Variants in CSMD1 observed in about 807,000 individuals in gnomAD.
The protein encoded by CSMD1 is CUB and Sushi multiple domains 1, also known as CUB and sushi domain-containing protein 1.
CSMD1 carries 213 observed loss-of-function variants against 417.5 expected under a neutral mutation model. The ratio of observed to expected loss-of-function variants is 0.51; its 90% confidence interval spans 0.46 to 0.57. The LOEUF (loss-of-function observed/expected upper bound fraction) is 0.57. Ranked by LOEUF, CSMD1 falls within the 20% of genes least tolerant of loss-of-function variation. The probability of loss-of-function intolerance (pLI) is 0.00; values close to 1 mark genes in which losing one functional copy is unlikely to be tolerated. For missense variants in CSMD1, 6,923 were observed against 4,529.7 expected, an observed-to-expected ratio of 1.53 and a Z score of -15.17; for synonymous variants, 2,862 against 1,736.8, an observed-to-expected ratio of 1.65 and a Z score of -16.11.
chr8:3,460,824 C>A (rs113928009), intron 12 of CSMD1, among the ~76,000 whole-genome samples: 2 of 152,136 alleles, frequency 1.3e-5, no homozygotes, highest in African/African-American at 4.8e-5. Context: ...TGGGTAAGAA[C>A]AGACAATGCT....
intron 1 of CSMD1, among the ~76,000 whole-genome samples, chr8:4,644,024 T>G (rs1803365712): frequency 6.6e-6 from 1 of 152,140 alleles, no homozygotes; most frequent in African/African-American, 2.4e-5. Context: ...ACTCACTACA[T>G]GAGCAAAGAA....
chr8:4,158,583 G>C (rs936046400), intron 3 of CSMD1, among the ~76,000 whole-genome samples: 1 of 152,092 alleles, frequency 6.6e-6, no homozygotes. Context: ...AACAGTCCTC[G>C]TTCCCCTCCT....
chr8:4,896,414 G>T (rs1217688264), intron 1 of CSMD1, among the ~76,000 whole-genome samples: 1 of 152,064 alleles, frequency 6.6e-6, no homozygotes, highest in Non-Finnish European at 1.5e-5. Flanking sequence ...ATTATTTACT[G>T]ATGTTTTCTC....
intron 5 of CSMD1, among the ~76,000 whole-genome samples, chr8:3,851,569 T>C (rs1803907246): frequency 6.6e-6 from 1 of 152,174 alleles, no homozygotes; most frequent in Non-Finnish European, 1.5e-5. Context: ...AGCAACTCCC[T>C]GCTGCAGGCC....
Position 4,063,213 on chromosome 8 carries a change from C to G in CSMD1, c.416-31114G>C, listed in dbSNP as rs554722926. On this transcript the variant is annotated intron_variant, in intron 3 of 69. Transcript: ENST00000635120. ...TAATTATCCTGATTTGATCATGAGA[C>G]TTTGTGTGCATATTTCAAAATATCA... is the stretch of plus-strand genomic sequence containing the variant. Among the ~76,000 whole-genome samples, 13 of 152,000 alleles carry G rather than the reference C, an allele frequency of 8.6e-5. No homozygotes were observed. The South Asian group carries it at 2.7e-3, about 31-fold the overall frequency.
intron 2 of CSMD1, among the ~76,000 whole-genome samples, chr8:4,450,829 G>A (rs572014333): frequency 6.6e-6 from 1 of 152,144 alleles, no homozygotes; most frequent in African/African-American, 2.4e-5. Context: ...TACTGCACTT[G>A]TGAGTAAGGG....
chr8:4,334,924 A>C (rs75363805), intron 3 of CSMD1, among the ~76,000 whole-genome samples: 7,374 of 152,144 alleles, frequency 0.048, 221 homozygotes, highest in Middle Eastern at 0.15. Flanking sequence ...TTCTACCCCC[A>C]CAGATGCTGT....
intron 8 of CSMD1, among the ~76,000 whole-genome samples, chr8:3,605,712 T>G (rs1801579702): frequency 6.6e-6 from 1 of 152,208 alleles, no homozygotes; most frequent in Non-Finnish European, 1.5e-5. Flanking sequence ...AGAACAGATG[T>G]TATTAGCATG....
At chr8:4,436,579 T>A (rs1798161946) in intron 2 of CSMD1, among the ~76,000 whole-genome samples, 1 of 152,166 alleles carries the variant, frequency 6.6e-6, no homozygotes, top group Non-Finnish European at 1.5e-5. Context: ...CAGTTACTGT[T>A]GATTATATCC....
chr8:4,635,312 T>A (rs2130853653), intron 2 of CSMD1, among the ~76,000 whole-genome samples: 1 of 152,314 alleles, frequency 6.6e-6, no homozygotes, highest in South Asian at 2.1e-4. Flanking sequence ...TGTTTCTAAT[T>A]GTTCTAACTT....
At chr8:3,202,804 C>G (rs1006672635) in intron 31 of CSMD1, among the ~76,000 whole-genome samples, 1 of 152,146 alleles carries the variant, frequency 6.6e-6, no homozygotes, top group African/African-American at 2.4e-5. Flanking sequence ...ATGTAACCAA[C>G]TCCATACACA....
intron 17 of CSMD1, among the ~76,000 whole-genome samples, chr8:3,390,760 A>T (rs1811301528): frequency 6.6e-6 from 1 of 152,134 alleles, no homozygotes; most frequent in Non-Finnish European, 1.5e-5. Context: ...TGTGCAGCTC[A>T]TACGGAGGTA....
chr8:3,049,688 G>T (rs1811688363), intron 50 of CSMD1, among the ~76,000 whole-genome samples: 1 of 152,084 alleles, frequency 6.6e-6, no homozygotes, highest in African/African-American at 2.4e-5. Flanking sequence ...CTATCATGGT[G>T]GATCCCTGTC....
intron 1 of CSMD1, among the ~76,000 whole-genome samples, chr8:4,954,712 C>T (rs368628092): frequency 1.8e-4 from 28 of 152,080 alleles, no homozygotes; most frequent in Non-Finnish European, 1.8e-4. Context: ...ACTACATAAG[C>T]ACCATGGAAA....
Position 3,883,959 on chromosome 8 carries a change from T to C in CSMD1, c.818+113944A>G, listed in dbSNP as rs368896710. 2.0e-5 allele frequency among the ~76,000 whole-genome samples: 3 copies of C among 152,178 alleles called. No homozygotes were observed. In the East Asian group the frequency reaches 5.8e-4, roughly 29 times the overall value. On this transcript the variant is annotated intron_variant, in intron 5 of 69. Transcript: ENST00000635120. ...ATACGCTTTTAAACATACATAGATA[T>C]AGAGTGTGCACATACTAAGATAAAC...
chr8:3,756,873 G>A (rs1045882555), intron 5 of CSMD1, among the ~76,000 whole-genome samples: 4 of 151,900 alleles, frequency 2.6e-5, no homozygotes, highest in Non-Finnish European at 5.9e-5. Context: ...ACAGCTCACA[G>A]CAGTCTCCGA....
intron 1 of CSMD1, among the ~76,000 whole-genome samples, chr8:4,693,962 C>G (rs948461666): frequency 6.6e-6 from 1 of 152,214 alleles, no homozygotes; most frequent in Non-Finnish European, 1.5e-5. Flanking sequence ...TCACATACTT[C>G]AAATTCAGGG....
At chr8:4,949,916 G>A (rs1305639260) in intron 1 of CSMD1, among the ~76,000 whole-genome samples, 1 of 33,524 alleles carries the variant, frequency 3.0e-5, no homozygotes, top group South Asian at 7.6e-4. Context: ...CAACTTGAGT[G>A]TGTGTGTGTG....
chr8:4,368,217 A>G (rs1325039600), intron 3 of CSMD1, among the ~76,000 whole-genome samples: 3 of 152,140 alleles, frequency 2.0e-5, no homozygotes, highest in Non-Finnish European at 4.4e-5. Flanking sequence ...TGCTGAATTT[A>G]TCAGAGGCAT....
Sources: gnomAD v4.1 joint callset for allele counts (sites outside exome capture counted in the v4.1 genomes callset) on GRCh38, gnomAD v4.1.1 for gene constraint, MANE v1.5 for transcripts, NCBI Gene and HGNC (gene_info 2026-07-23, HGNC 2026-07-21) for gene names.